The following CTNNA2 variants were observed in gnomAD, a reference collection of about 807,000 sequenced individuals.
CTNNA2 encodes the protein catenin alpha-2.
In CTNNA2, 42 loss-of-function variants were observed where a neutral mutation model predicts 101.0. That is an observed-to-expected ratio of 0.42 (90% confidence interval 0.32 to 0.54). The LOEUF (loss-of-function observed/expected upper bound fraction) is 0.54. Among genes scored for constraint, CTNNA2 ranks in the 20% least tolerant of loss-of-function variants. The pLI is 0.14. For missense variants in CTNNA2, 871 were observed against 1,223.1 expected (o/e 0.71, Z 4.29); for synonymous variants, 450 against 456.4 (o/e 0.99, Z 0.18).
chr2:80,575,977 AT>A (rs1695005128), intron 13 of CTNNA2, among the ~76,000 whole-genome samples: 1 of 152,128 alleles, frequency 6.6e-6, no homozygotes, highest in Admixed American at 6.5e-5. Context: ...AAATGGCTTC[AT>A]TTTGCACTTA....
At chr2:79,815,625 A>AT (rs529039022) in intron 3 of CTNNA2, among the ~76,000 whole-genome samples, 131 of 152,142 alleles carry the variant, frequency 8.6e-4, no homozygotes, top group African/African-American at 2.9e-3. Flanking sequence ...CTATGTGCCT[A>AT]TTTTTATACC....
intron 7 of CTNNA2, among the ~76,000 whole-genome samples, chr2:79,982,253 TACAC>T (rs574385727): frequency 0.043 from 3,780 of 88,508 alleles, 198 homozygotes; most frequent in East Asian, 0.1. Flanking sequence ...TATGTATATG[TACAC>T]ACACACATAA....
chr2:79,836,563 G>A (rs6713483), intron 3 of CTNNA2, among the ~76,000 whole-genome samples: 71,508 of 151,940 alleles, frequency 0.47, 17,259 homozygotes, highest in African/African-American at 0.57. Flanking sequence ...AGCTCTGGAG[G>A]CTAGAAGTCC....
At chr2:80,306,400 T>TTTTCTTTCTTTCTTTCTTTC (rs58501778) in intron 7 of CTNNA2, among the ~76,000 whole-genome samples, 44 of 109,270 alleles carry the variant, frequency 4.0e-4, no homozygotes, top group Non-Finnish European at 5.9e-4. Context: ...TTTTCTTTTC[T>TTTTCTTTCTTTCTTTCTTTC]TTTCTTTCTT....
At chr2:80,044,579 C>T (rs577343089) in intron 7 of CTNNA2, among the ~76,000 whole-genome samples, 2 of 152,232 alleles carry the variant, frequency 1.3e-5, no homozygotes, top group East Asian at 1.9e-4. Context: ...GGGTCTTTCT[C>T]TCCCTCTCCT....
chr2:79,941,755 A>T (rs1015210916), intron 7 of CTNNA2, among the ~76,000 whole-genome samples: 2 of 152,110 alleles, frequency 1.3e-5, no homozygotes, highest in African/African-American at 4.8e-5. Context: ...AGTAGCTGGG[A>T]TTACAGGCAT....
intron 2 of CTNNA2, among the ~76,000 whole-genome samples, chr2:79,211,571 C>T (rs1003795318): frequency 8.5e-5 from 13 of 152,176 alleles, no homozygotes; most frequent in African/African-American, 3.1e-4. Flanking sequence ...AGTAGGGGAG[C>T]TTTTGAGTCA....
At chr2:79,224,045 C>T (rs184740347) in intron 2 of CTNNA2, among the ~76,000 whole-genome samples, 81 of 152,306 alleles carry the variant, frequency 5.3e-4, no homozygotes, top group Non-Finnish European at 8.1e-4. Context: ...TTCCGTTGTA[C>T]ATTTCTGATC....
chr2:79,218,351 A>ATTT (rs58900850), intron 2 of CTNNA2, among the ~76,000 whole-genome samples: 1 of 116,748 alleles, frequency 8.6e-6, no homozygotes, highest in African/African-American at 3.3e-5. Flanking sequence ...GTGTGTGTGT[A>ATTT]TTTTTTTTTT....
At chr2:80,019,567 T>G (rs1240861969) in intron 7 of CTNNA2, among the ~76,000 whole-genome samples, 5 of 152,222 alleles carry the variant, frequency 3.3e-5, no homozygotes, top group Admixed American at 3.3e-4. Context: ...GTGATTTATT[T>G]TCTTTTTAAA....
At chr2:79,322,879 G>A (rs4852471) in intron 3 of CTNNA2, among the ~76,000 whole-genome samples, 21,431 of 152,080 alleles carry the variant, frequency 0.14, 1,607 homozygotes, top group East Asian at 0.17. Context: ...ACCTCAGCTC[G>A]CCCATTTCCC....
intron 2 of CTNNA2, among the ~76,000 whole-genome samples, chr2:79,273,434 C>T (rs138879795): frequency 1.3e-5 from 2 of 152,152 alleles, no homozygotes; most frequent in East Asian, 3.9e-4. Flanking sequence ...TCACCTCGCT[C>T]TAGTATATTG....
At chr2:80,341,852 G>A (rs1838433) in intron 7 of CTNNA2, among the ~76,000 whole-genome samples, 9,129 of 152,230 alleles carry the variant, frequency 0.06, 706 homozygotes, top group African/African-American at 0.18. Flanking sequence ...AAAAATTGCA[G>A]AGAACACAAA....
At chr2:79,215,797 G>A (rs1411602351) in intron 2 of CTNNA2, among the ~76,000 whole-genome samples, 1 of 152,188 alleles carries the variant, frequency 6.6e-6, no homozygotes, top group Non-Finnish European at 1.5e-5. Flanking sequence ...GAAACTGTAA[G>A]CCAGACCGGG....
intron 4 of CTNNA2, among the ~76,000 whole-genome samples, chr2:79,864,059 C>T (rs1189950421): frequency 6.6e-6 from 1 of 152,176 alleles, no homozygotes; most frequent in Non-Finnish European, 1.5e-5. Context: ...GCAACACCCT[C>T]TACTGACAAA....
chr2:79,584,588 G>C (rs750382305), intron 1 of CTNNA2, among the ~76,000 whole-genome samples: 1 of 150,102 alleles, frequency 6.7e-6, no homozygotes, highest in East Asian at 2.0e-4. Flanking sequence ...GCAATGGCAC[G>C]ATTTCAGCTC....
chr2:79,639,887 A>G (rs1327283439), intron 1 of CTNNA2, among the ~76,000 whole-genome samples: 3 of 151,866 alleles, frequency 2.0e-5, no homozygotes, highest in Admixed American at 6.6e-5. Flanking sequence ...TCAGTAAAAA[A>G]TCTCCTTCCT....
intron 7 of CTNNA2, among the ~76,000 whole-genome samples, chr2:80,182,305 A>G (rs1312808501): frequency 2.6e-5 from 4 of 152,196 alleles, no homozygotes; most frequent in African/African-American, 9.6e-5. Context: ...GCTCAAGAGA[A>G]AGATGGAGGC....
intron 7 of CTNNA2, among the ~76,000 whole-genome samples, chr2:79,945,138 G>A (rs964320284): frequency 2.6e-5 from 4 of 152,156 alleles, no homozygotes; most frequent in Admixed American, 2.6e-4. Context: ...GACCTGCTGG[G>A]TTCAAGCAGT....
Sources: allele counts gnomAD v4.1 joint callset (sites outside exome capture counted in the v4.1 genomes callset), GRCh38; gene constraint gnomAD v4.1.1; transcripts MANE v1.5; gene names NCBI Gene and HGNC (gene_info 2026-07-23, HGNC 2026-07-21).